The following MRPL21 variants were observed in gnomAD, a reference collection of about 807,000 sequenced individuals.
The protein encoded by MRPL21 is large ribosomal subunit protein bL21m.
MRPL21 carries 20 observed loss-of-function variants against 27.3 expected under a neutral mutation model. The observed-to-expected ratio is 0.73, with a 90% CI of 0.52 to 1.06. The LOEUF is 1.06. MRPL21 is among the 50% of genes least tolerant of loss of function. The probability of loss-of-function intolerance (pLI) is 0.00; values close to 1 mark genes in which losing one functional copy is unlikely to be tolerated. For synonymous variants in MRPL21, 98 were observed against 101.5 expected (o/e 0.97, Z 0.21); for missense variants, 249 against 251.4 (o/e 0.99, Z 0.06).
intron 1 of MRPL21, among the ~76,000 whole-genome samples, chr11:68,902,390 C>T (rs938774027): frequency 6.6e-6 from 1 of 152,238 alleles, no homozygotes; most frequent in Non-Finnish European, 1.5e-5. Flanking sequence ...TGAACTCTCT[C>T]AATTATCCCT....
intron 2 of MRPL21, among the ~76,000 whole-genome samples, chr11:68,899,542 G>C: frequency 6.6e-6 from 1 of 152,166 alleles, no homozygotes; most frequent in East Asian, 1.9e-4. Flanking sequence ...GAGACAAGGA[G>C]GACAAGGAAG....
chr11:68,900,640 T>C (rs1309540744), intron 1 of MRPL21, 35 bp from the exon 2 acceptor site: 1 of 1,571,184 alleles, frequency 6.4e-7, no homozygotes, highest in East Asian at 2.2e-5. Flanking sequence ...TCATTACCAT[T>C]AATACTACAA....
At chr11:68,898,539 GGTGA>G (rs1566417084) in intron 2 of MRPL21, among the ~76,000 whole-genome samples, 1 of 152,216 alleles carries the variant, frequency 6.6e-6, no homozygotes, top group Non-Finnish European at 1.5e-5. Flanking sequence ...TTCACACCCA[GGTGA>G]GTGCCAGGCA....
chr11:68,900,970 C>A (rs537116065), intron 1 of MRPL21, among the ~76,000 whole-genome samples: 16 of 152,330 alleles, frequency 1.1e-4, no homozygotes, highest in African/African-American at 3.8e-4. Context: ...CCCTGTTAGC[C>A]CCCTGGGAGT....
chr11:68,903,706 C>G lies in MRPL21; in HGVS notation c.88+17G>C, dbSNP rs752697213. On this transcript the variant is annotated intron_variant, in intron 1 of 6. Transcript: ENST00000362034. ...CTCGCTCTGCGTCCTCCCTTCCTCCCATATCCCAGGTCTCACCTGCTCCGG... is the reference window on the plus strand; with the variant it reads ...CTCGCTCTGCGTCCTCCCTTCCTCCGATATCCCAGGTCTCACCTGCTCCGG... 2 of 1,612,886 alleles carry G rather than the reference C, an allele frequency of 1.2e-6. No individual in the cohort carries two copies. Among genetic ancestry groups the G allele is most frequent in the Non-Finnish European group, 1.7e-6 (2 of 1,179,662 alleles).
At chr11:68,895,917 C>T (rs1293353823) in intron 4 of MRPL21, among the ~76,000 whole-genome samples, 1 of 152,140 alleles carries the variant, frequency 6.6e-6, no homozygotes, top group Non-Finnish European at 1.5e-5. Flanking sequence ...TGAGTTCAAG[C>T]AATCCCCCAC....
chr11:68,899,202 T>G (rs867650070), intron 2 of MRPL21, among the ~76,000 whole-genome samples: 2 of 152,186 alleles, frequency 1.3e-5, no homozygotes, highest in African/African-American at 4.8e-5. Context: ...GGTGGGGTCT[T>G]TCTTTCTGTA....
chr11:68,897,131 TCCCAACCCCATATCCCACCCCTGGG>T (rs1857813457), intron 3 of MRPL21, among the ~76,000 whole-genome samples: 1 of 151,896 alleles, frequency 6.6e-6, no homozygotes, highest in South Asian at 2.1e-4. Context: ...GCCCCCCGTA[TCCCAACCCCATATCCCACCCCTGGG>T]GCAGGACGCG....
At chr11:68,893,143 A>C in intron 5 of MRPL21, 150 bp from the exon 6 acceptor site, 1 of 1,323,152 alleles carries the variant, frequency 7.6e-7, no homozygotes, top group South Asian at 1.6e-5. Context: ...AACCACGAAA[A>C]AGGACCACAA....
At chr11:68,893,699 G>A (rs1005695868) in intron 4 of MRPL21, among the ~76,000 whole-genome samples, 10 of 152,196 alleles carry the variant, frequency 6.6e-5, no homozygotes, top group African/African-American at 1.9e-4. Context: ...CAGAGGAGAC[G>A]CACAATTTGA....
At chr11:68,894,990 C>G (rs1275077695) in intron 4 of MRPL21, among the ~76,000 whole-genome samples, 1 of 152,200 alleles carries the variant, frequency 6.6e-6, no homozygotes, top group Non-Finnish European at 1.5e-5. Flanking sequence ...GCAGGCCGGG[C>G]GTGGTGGCTC....
chr11:68,893,584 A>T, intron 4 of MRPL21, 129 bp from the exon 5 acceptor site: 1 of 1,220,758 alleles, frequency 8.2e-7, no homozygotes, highest in Non-Finnish European at 1.2e-6. Flanking sequence ...CATGAATTTC[A>T]TCTGCTGTCT....
At chr11:68,898,427 G>A (rs1857855070) in intron 2 of MRPL21, among the ~76,000 whole-genome samples, 1 of 152,198 alleles carries the variant, frequency 6.6e-6, no homozygotes, top group African/African-American at 2.4e-5. Context: ...CAGTGGCCCT[G>A]GAATGGCAGC....
intron 6 of MRPL21, 161 bp from the exon 7 acceptor site, chr11:68,891,556 T>C: frequency 1.4e-6 from 1 of 705,778 alleles, no homozygotes. Flanking sequence ...ACTGCCTCGC[T>C]AGCTTGTTCG....
chr11:68,899,606 C>T (rs934962403), intron 2 of MRPL21, among the ~76,000 whole-genome samples: 14 of 152,322 alleles, frequency 9.2e-5, no homozygotes, highest in Admixed American at 7.2e-4. Context: ...TCTCCCCATA[C>T]GGGTTCAGCA....
At chr11:68,897,291 A>AC (rs1181353555) in intron 3 of MRPL21, among the ~76,000 whole-genome samples, 37 of 151,316 alleles carry the variant, frequency 2.4e-4, no homozygotes, top group African/African-American at 8.7e-4. Flanking sequence ...ATGGGCACCG[A>AC]CCCCCCGGCC....
At chr11:68,893,801 C>T (rs916416381) in intron 4 of MRPL21, among the ~76,000 whole-genome samples, 3 of 152,140 alleles carry the variant, frequency 2.0e-5, no homozygotes, top group Admixed American at 6.5e-5. Context: ...CGGCCAGGTG[C>T]GGTGGCTCAT....
chr11:68,893,214 G>A, intron 5 of MRPL21, 189 bp downstream of exon 5: 1 of 1,376,966 alleles, frequency 7.3e-7, no homozygotes, highest in Non-Finnish European at 9.6e-7. Flanking sequence ...GAAACAGCAA[G>A]AGACCAATAA....
Position 68,896,894 on chromosome 11 carries a change from T to C in MRPL21, c.233-216A>G, listed in dbSNP as rs537041181. ...TCTGCTGCTTCAGGAGCACCAGCACTGTGGCACATGGGGCTTTCACAGAAG... is the reference window on the plus strand; with the variant it reads ...TCTGCTGCTTCAGGAGCACCAGCACCGTGGCACATGGGGCTTTCACAGAAG... On this transcript the variant is annotated intron_variant, in intron 3 of 6. Coordinates refer to ENST00000362034, the MANE Select transcript of MRPL21 (RefSeq NM_181514.2). 2.4e-4 allele frequency: 144 copies of C among 596,402 alleles called. 1 individual carries two copies. The South Asian group carries it at 2.9e-3, about 12-fold the overall frequency. The allele number at this position is 596,402 out of a possible 1,614,324, so 36.9% of individuals were successfully genotyped here.
Sources: gnomAD v4.1 joint callset for allele counts (sites outside exome capture counted in the v4.1 genomes callset) on GRCh38, gnomAD v4.1.1 for gene constraint, MANE v1.5 for transcripts, NCBI Gene and HGNC (gene_info 2026-07-23, HGNC 2026-07-21) for gene names.